Variants in PARD3 observed in about 807,000 individuals in gnomAD.
PARD3 encodes the protein partitioning defective 3 homolog.
PARD3 carries 75 observed loss-of-function variants against 155.4 expected under a neutral mutation model. The observed-to-expected ratio is 0.48, with a 90% confidence interval of 0.40 to 0.58. The LOEUF (loss-of-function observed/expected upper bound fraction) is 0.58. PARD3 is among the 20% of genes least tolerant of loss of function. The pLI, the probability that PARD3 is intolerant of heterozygous loss-of-function variation, is 0.00. For synonymous variants in PARD3, 576 were observed against 610.5 expected (o/e 0.94, Z 0.83); for missense variants, 1,642 against 1,721.7 (o/e 0.95, Z 0.82).
At chr10:34,742,196 T>C (rs79696176) in intron 1 of PARD3, among the ~76,000 whole-genome samples, 2,152 of 152,288 alleles carry the variant, frequency 0.014, 49 homozygotes, top group African/African-American at 0.05. Flanking sequence ...CTTTGATAAC[T>C]ATTTTTAATG....
chr10:34,131,710 A>C (rs750517312), intron 22 of PARD3, 127 bp from the exon 23 acceptor site: 1 of 751,820 alleles, frequency 1.3e-6, no homozygotes, highest in Non-Finnish European at 2.2e-6. Context: ...TTTTAAAACA[A>C]TATGTGGGCA....
intron 1 of PARD3, among the ~76,000 whole-genome samples, chr10:34,738,658 C>A (rs2094956994): frequency 6.6e-6 from 1 of 152,168 alleles, no homozygotes; most frequent in African/African-American, 2.4e-5. Flanking sequence ...CTGAGAGGAT[C>A]ACCTAAGCCC....
chr10:34,245,295 T>C (rs1953872711), intron 22 of PARD3, among the ~76,000 whole-genome samples: 1 of 152,024 alleles, frequency 6.6e-6, no homozygotes, highest in Non-Finnish European at 1.5e-5. Flanking sequence ...GGTAGGAAAA[T>C]GCTTGACGCA....
rs188949197 is a variant in PARD3, at chr10:34,477,283, T to G, written c.404-7020A>C. On this transcript the variant is annotated intron_variant, in intron 3 of 24. Coordinates refer to ENST00000374788, the MANE Select transcript of PARD3 (RefSeq NM_001184785.2). Reference sequence around the variant, plus strand: ...AAAACTTTCTAATCCCATAATCTTCTGATTTATTTAATATATAGATTTTCA... The same window carrying G: ...AAAACTTTCTAATCCCATAATCTTCGGATTTATTTAATATATAGATTTTCA... 2.4e-4 allele frequency among the ~76,000 whole-genome samples: 37 copies of G among 152,364 alleles called. No homozygotes were observed. The East Asian group carries it at 7.1e-3, about 29-fold the overall frequency.
intron 22 of PARD3, among the ~76,000 whole-genome samples, chr10:34,256,407 C>G (rs1954659025): frequency 6.6e-6 from 1 of 152,240 alleles, no homozygotes; most frequent in South Asian, 2.1e-4. Context: ...ACAGCCGGAG[C>G]AGGGCCAGGC....
intron 4 of PARD3, among the ~76,000 whole-genome samples, chr10:34,457,975 T>C (rs1275472736): frequency 2.6e-5 from 4 of 152,136 alleles, no homozygotes; most frequent in Non-Finnish European, 4.4e-5. Context: ...AGGTGGCTAA[T>C]GACAAAAATT....
At chr10:34,574,210 G>T (rs1184313313) in intron 2 of PARD3, among the ~76,000 whole-genome samples, 1 of 151,966 alleles carries the variant, frequency 6.6e-6, no homozygotes, top group Non-Finnish European at 1.5e-5. Context: ...TTATAAAAAG[G>T]GGACACTGGA....
intron 7 of PARD3, among the ~76,000 whole-genome samples, chr10:34,384,818 C>T (rs1987114): frequency 0.58 from 87,784 of 152,048 alleles, 27,266 homozygotes; most frequent in African/African-American, 0.83. Context: ...CAAAACCTGT[C>T]AGGTCTCCCA....
chr10:34,562,262 C>A (rs1355888870), intron 2 of PARD3, among the ~76,000 whole-genome samples: 4 of 150,924 alleles, frequency 2.7e-5, no homozygotes, highest in Non-Finnish European at 2.9e-5. Context: ...CATGGTGAAA[C>A]CCCATCTCTA....
intron 2 of PARD3, among the ~76,000 whole-genome samples, chr10:34,607,119 C>A (rs1429409007): frequency 6.6e-6 from 1 of 152,074 alleles, no homozygotes; most frequent in African/African-American, 2.4e-5. Flanking sequence ...CATCTAAGTT[C>A]CTGGAAAACT....
chr10:34,749,965 T>C (rs1022493977), intron 1 of PARD3, among the ~76,000 whole-genome samples: 2 of 150,816 alleles, frequency 1.3e-5, no homozygotes, highest in Non-Finnish European at 2.9e-5. Flanking sequence ...AAGGCTGCAA[T>C]GAGCCAAGAT....
chr10:34,344,029 A>C, intron 15 of PARD3: 1 of 970,584 alleles, frequency 1.0e-6, no homozygotes, highest in Non-Finnish European at 1.2e-6. Flanking sequence ...AAAATGTTCT[A>C]AATACGTCTT....
chr10:34,710,578 A>G (rs1368216238), intron 1 of PARD3, among the ~76,000 whole-genome samples: 1 of 152,082 alleles, frequency 6.6e-6, no homozygotes, highest in Non-Finnish European at 1.5e-5. Context: ...GTCATTTCCA[A>G]TGACTCACTA....
chr10:34,765,549 A>G (rs1021856156), intron 1 of PARD3, among the ~76,000 whole-genome samples: 1 of 151,984 alleles, frequency 6.6e-6, no homozygotes, highest in African/African-American at 2.4e-5. Context: ...ATAGTGGTGC[A>G]TACCTGTCAT....
chr10:34,356,383 TAAAG>T (rs1244542091), intron 14 of PARD3, among the ~76,000 whole-genome samples: 1 of 151,730 alleles, frequency 6.6e-6, no homozygotes, highest in Non-Finnish European at 1.5e-5. Flanking sequence ...AAATGAAAAA[TAAAG>T]AAGACATATT....
chr10:34,123,900 G>T (rs1439031018), intron 23 of PARD3, among the ~76,000 whole-genome samples: 1 of 152,128 alleles, frequency 6.6e-6, no homozygotes, highest in Non-Finnish European at 1.5e-5. Flanking sequence ...GTACTAATTA[G>T]AACTAGGTAA....
intron 1 of PARD3, among the ~76,000 whole-genome samples, chr10:34,727,770 T>C (rs1053282855): frequency 1.3e-5 from 2 of 151,780 alleles, no homozygotes; most frequent in Non-Finnish European, 2.9e-5. Flanking sequence ...TGAAAAGGTT[T>C]CCCTACTGCA....
In PARD3 at chr10:34,139,441, C is replaced by G. The variant is rs374196617; in HGVS notation, c.3420-7858G>C. Among the ~76,000 whole-genome samples the G allele has an allele frequency of 1.8e-4, 27 of 152,332 alleles. No individual in the cohort carries two copies. In the East Asian group the frequency reaches 3.3e-3, roughly 19 times the overall value. On this transcript the variant is annotated intron_variant, in intron 22 of 24. Coordinates refer to ENST00000374788, the MANE Select transcript of PARD3 (RefSeq NM_001184785.2). ...TTCCAAGAACATTGTTTCATCTTCA[C>G]TGGAGAAAAATGAGAGCACTTTTTC...
At chr10:34,633,970 C>T (rs2092376055) in intron 2 of PARD3, among the ~76,000 whole-genome samples, 1 of 152,180 alleles carries the variant, frequency 6.6e-6, no homozygotes, top group African/African-American at 2.4e-5. Context: ...ATTTTAACCC[C>T]TATTCCATAC....
Sources: gnomAD v4.1 joint callset for allele counts (sites outside exome capture counted in the v4.1 genomes callset) on GRCh38, gnomAD v4.1.1 for gene constraint, MANE v1.5 for transcripts, NCBI Gene and HGNC (gene_info 2026-07-23, HGNC 2026-07-21) for gene names.